WDR72: variants seen among roughly 807,000 people sequenced by gnomAD.
The protein encoded by WDR72 is WD repeat domain 72, also known as WD repeat-containing protein 72.
In WDR72, 120 loss-of-function variants were observed where a neutral mutation model predicts 124.2. That is an observed-to-expected ratio of 0.97 (90% CI 0.83 to 1.12). The LOEUF (loss-of-function observed/expected upper bound fraction) is 1.12. Among genes scored for constraint, WDR72 ranks in the 50% most tolerant of loss-of-function variants. The pLI, the probability that WDR72 is intolerant of heterozygous loss-of-function variation, is 0.00. For missense variants in WDR72, 1,387 were observed against 1,278.8 expected (o/e 1.08, Z -1.29); for synonymous variants, 452 against 441.7 (o/e 1.02, Z -0.29).
intron 13 of WDR72, among the ~76,000 whole-genome samples, chr15:53,686,769 C>A (rs901714639): frequency 1.1e-4 from 17 of 150,000 alleles, no homozygotes; most frequent in African/African-American, 3.7e-4. Flanking sequence ...TTTTTTTCAG[C>A]ACCACACCAC....
intron 14 of WDR72, among the ~76,000 whole-genome samples, chr15:53,639,436 G>A (rs1324829820): frequency 7.1e-6 from 1 of 140,098 alleles, no homozygotes; most frequent in East Asian, 2.3e-4. Context: ...AACATAGCAA[G>A]ACCTCGTCTC....
intron 13 of WDR72, among the ~76,000 whole-genome samples, chr15:53,681,850 C>A (rs2016397597): frequency 6.6e-6 from 1 of 151,752 alleles, no homozygotes; most frequent in Non-Finnish European, 1.5e-5. Flanking sequence ...CACACACACA[C>A]ATCCACAAAT....
intron 14 of WDR72, among the ~76,000 whole-genome samples, chr15:53,662,986 T>C (rs1327578931): frequency 1.3e-5 from 2 of 151,680 alleles, no homozygotes; most frequent in Admixed American, 6.6e-5. Flanking sequence ...AGAGAACTGC[T>C]TGGGCCCAGG....
intron 18 of WDR72, among the ~76,000 whole-genome samples, chr15:53,573,548 C>CTT (rs538068129): frequency 1.3e-4 from 18 of 143,222 alleles, no homozygotes; most frequent in African/African-American, 3.5e-4. Flanking sequence ...TGCTTCTTTT[C>CTT]TTTTTTTTTT....
chr15:53,692,075 C>A (rs1354175008), intron 13 of WDR72, among the ~76,000 whole-genome samples: 1 of 152,140 alleles, frequency 6.6e-6, no homozygotes, highest in Non-Finnish European at 1.5e-5. Flanking sequence ...GATGTTAACC[C>A]CAGAAATGTA....
At chr15:53,761,611 C>A (rs2019065146), upstream of WDR72, among the ~76,000 whole-genome samples, 1 of 152,018 alleles carries the variant, frequency 6.6e-6, no homozygotes, top group Non-Finnish European at 1.5e-5. Context: ...AGATTGCTTG[C>A]TCCCAAGAGT....
At chr15:53,731,393 TG>T (rs2018199369) in intron 2 of WDR72, among the ~76,000 whole-genome samples, 2 of 152,106 alleles carry the variant, frequency 1.3e-5, no homozygotes, top group East Asian at 3.9e-4. Flanking sequence ...TCTCTATCCC[TG>T]GATTTCTCTG....
In WDR72 at chr15:53,602,399, A is replaced by C. The variant is rs184064698; in HGVS notation, c.2953-5125T>G. 1.1e-4 allele frequency among the ~76,000 whole-genome samples: 16 copies of C among 152,062 alleles called. 1 individual carries two copies. The highest frequency in any genetic ancestry group is 3.9e-4 in the African/African-American group (16 of 41,550). ...CAAAAAACTAGAAAGATCTCTTGTT[A>C]ACAGCCTAACTTCACAACTAAAAGA... On this transcript the variant is annotated intron_variant, in intron 17 of 19. Transcript: ENST00000360509.
intron 13 of WDR72, among the ~76,000 whole-genome samples, chr15:53,679,370 A>C (rs1188001233): frequency 2.0e-5 from 3 of 152,214 alleles, no homozygotes; most frequent in African/African-American, 4.8e-5. Flanking sequence ...TCATCATAAT[A>C]AAAAAGCATC....
upstream of WDR72, among the ~76,000 whole-genome samples, chr15:53,760,707 G>A (rs966733434): frequency 6.6e-6 from 1 of 152,140 alleles, no homozygotes; most frequent in Non-Finnish European, 1.5e-5. Flanking sequence ...TAGCAATCGG[G>A]TTGCTGGATC....
chr15:53,609,347 C>G (rs573088614), intron 17 of WDR72, among the ~76,000 whole-genome samples, 166 bp downstream of exon 17: 1 of 152,244 alleles, frequency 6.6e-6, no homozygotes, highest in South Asian at 2.1e-4. Flanking sequence ...ATGGTGTACC[C>G]TTGCTTATGT....
At chr15:53,543,811 T>C (rs964068011) in intron 18 of WDR72, among the ~76,000 whole-genome samples, 2 of 152,098 alleles carry the variant, frequency 1.3e-5, no homozygotes, top group African/African-American at 4.8e-5. Context: ...ATAAAGGGGA[T>C]GTCACCACCG....
In WDR72 at chr15:53,516,845, C is replaced by A. The variant is rs982152364; in HGVS notation, c.*854G>T. On this transcript the variant is annotated 3_prime_UTR_variant, in exon 20 of 20. Coordinates refer to ENST00000360509, the MANE Select transcript of WDR72 (RefSeq NM_182758.4). ...ATCACCAAAGGCTTTAATAGAAGAG[C>A]ACTTTATGTCTATTCCTATTTATGC... The A allele has an allele frequency of 2.6e-5, 4 of 151,980 alleles. No individual in the cohort carries two copies. The highest frequency in any genetic ancestry group is 9.7e-5 in the African/African-American group (4 of 41,400). The allele number at this position is 151,980 out of a possible 1,614,324, so 9.4% of individuals were successfully genotyped here. A position where few individuals can be genotyped will look rare whatever the true frequency, so the allele number is the denominator to read the frequency against.
intron 14 of WDR72, among the ~76,000 whole-genome samples, chr15:53,652,466 G>T (rs948025078): frequency 6.6e-6 from 1 of 152,138 alleles, no homozygotes; most frequent in African/African-American, 2.4e-5. Context: ...CTACTTGGGG[G>T]ATACAGAATT....
At chr15:53,756,353 A>G (rs1223387373) in intron 1 of WDR72, among the ~76,000 whole-genome samples, 3 of 152,192 alleles carry the variant, frequency 2.0e-5, no homozygotes, top group Non-Finnish European at 4.4e-5. Context: ...CCACGTGGAA[A>G]TGTGAGTCAG....
chr15:53,673,755 C>T (rs879729802), intron 13 of WDR72, among the ~76,000 whole-genome samples: 1 of 152,020 alleles, frequency 6.6e-6, no homozygotes, highest in Non-Finnish European at 1.5e-5. Flanking sequence ...TTTGGGAGGC[C>T]GAGGTGGGTG....
intron 14 of WDR72, among the ~76,000 whole-genome samples, chr15:53,622,288 G>A (rs1217021697): frequency 2.0e-5 from 3 of 152,016 alleles, no homozygotes; most frequent in African/African-American, 7.2e-5. Context: ...TATACCCATA[G>A]GAATATAAAT....
intron 3 of WDR72, among the ~76,000 whole-genome samples, chr15:53,719,621 C>A (rs1166650313): frequency 6.6e-6 from 1 of 152,186 alleles, no homozygotes; most frequent in Non-Finnish European, 1.5e-5. Context: ...TAACTCTTGA[C>A]CCAACATTTT....
intron 18 of WDR72, among the ~76,000 whole-genome samples, chr15:53,530,673 A>C (rs74017413): frequency 0.05 from 7,579 of 152,108 alleles, 420 homozygotes; most frequent in African/African-American, 0.14. Context: ...ATTTAGAAGG[A>C]GGCCAGGAAA....
Sources: allele counts gnomAD v4.1 joint callset (sites outside exome capture counted in the v4.1 genomes callset), GRCh38; gene constraint gnomAD v4.1.1; transcripts MANE v1.5; gene names NCBI Gene and HGNC (gene_info 2026-07-23, HGNC 2026-07-21).